MAP2K3: variants seen among roughly 807,000 people sequenced by gnomAD.
The protein encoded by MAP2K3 is mitogen-activated protein kinase kinase 3, also known as dual specificity mitogen-activated protein kinase kinase 3.
Under a neutral mutation model 46.4 loss-of-function variants are expected in MAP2K3, and 30 were observed. The observed-to-expected ratio is 0.65, with a 90% CI of 0.48 to 0.88. The LOEUF is 0.88. Ranked by LOEUF, MAP2K3 falls within the 40% of genes least tolerant of loss-of-function variation. The probability of loss-of-function intolerance (pLI) is 0.00; values close to 1 mark genes in which losing one functional copy is unlikely to be tolerated. For synonymous variants in MAP2K3, 189 were observed against 176.3 expected (o/e 1.07, Z -0.57); for missense variants, 380 against 464.5 (o/e 0.82, Z 1.67).
chr17:21,303,665 T>G (rs1203190871), intron 7 of MAP2K3, among the ~76,000 whole-genome samples: 7 of 152,310 alleles, frequency 4.6e-5, no homozygotes, highest in Admixed American at 6.5e-5. Flanking sequence ...CCACAGTGGG[T>G]TGGTTTCGCC....
At chr17:21,295,558 G>C in intron 1 of MAP2K3, 1 of 1,246,888 alleles carries the variant, frequency 8.0e-7, no homozygotes, top group Admixed American at 2.4e-5. Context: ...GTCTGCAGCA[G>C]CCTGAGGCCT....
intron 1 of MAP2K3, chr17:21,295,734 AC>A: frequency 1.6e-6 from 2 of 1,281,698 alleles, no homozygotes; most frequent in South Asian, 2.5e-5. Flanking sequence ...CGTGGTCCCC[AC>A]CCATCCAGCC....
intron 3 of MAP2K3, among the ~76,000 whole-genome samples, chr17:21,300,107 C>A (rs1166733669): frequency 1.3e-5 from 2 of 152,306 alleles, no homozygotes; most frequent in Non-Finnish European, 2.9e-5. Context: ...GTGTCCCTCC[C>A]AAGAGAGGGA....
At chr17:21,306,003 CAGAT>C (rs1677919793) in intron 9 of MAP2K3, among the ~76,000 whole-genome samples, 1 of 152,280 alleles carries the variant, frequency 6.6e-6, no homozygotes, top group Non-Finnish European at 1.5e-5. Flanking sequence ...ATGAGGCCGT[CAGAT>C]AGAATCAGTA....
intron 7 of MAP2K3, among the ~76,000 whole-genome samples, chr17:21,303,830 G>T (rs1375404005): frequency 6.6e-6 from 1 of 152,310 alleles, no homozygotes; most frequent in Non-Finnish European, 1.5e-5. Flanking sequence ...TGTCCACTGG[G>T]TGCCCATCCC....
At chr17:21,303,599 T>C (rs1976726390) in intron 7 of MAP2K3, among the ~76,000 whole-genome samples, 1 of 152,430 alleles carries the variant, frequency 6.6e-6, no homozygotes, top group South Asian at 2.1e-4. Flanking sequence ...AATGTTCTCT[T>C]GGGCTCCTTC....
chr17:21,306,003 C>T (rs564952819), intron 9 of MAP2K3, among the ~76,000 whole-genome samples: 1 of 152,398 alleles, frequency 6.6e-6, no homozygotes, highest in African/African-American at 2.4e-5. Context: ...ATGAGGCCGT[C>T]AGATAGAATC....
At chr17:21,302,289 T>C in intron 6 of MAP2K3, 30 bp downstream of exon 6, 9 of 1,168,748 alleles carry the variant, frequency 7.7e-6, no homozygotes, top group African/African-American at 1.5e-5. Context: ...TGGCGGGGGG[T>C]CCTAGGTGCA....
rs903946032 is a variant in MAP2K3 at position 21,295,946 on chromosome 17, C to T, written c.50-2467C>T. 8.8e-6 allele frequency: 11 copies of T among 1,248,334 alleles called. No homozygotes were observed. The African/African-American group carries it at 1.7e-4, about 19-fold the overall frequency. The allele number at this position is 1,248,334 out of a possible 1,614,324, so 77.3% of individuals were successfully genotyped here. On this transcript the variant is annotated intron_variant, in intron 1 of 11. Transcript: ENST00000342679. ...GGACTCAAGGGGCTGGGGGCAAGGT[C>T]AAGGCCCAGGGTCTCTGTGCAGAGC...
intron 3 of MAP2K3, 130 bp downstream of exon 3, chr17:21,299,056 T>C: frequency 7.2e-7 from 1 of 1,390,788 alleles, no homozygotes; most frequent in Non-Finnish European, 1.0e-6. Context: ...GAGAAGAGCC[T>C]CGTCCTGCGC....
intron 3 of MAP2K3, among the ~76,000 whole-genome samples, chr17:21,299,708 CACG>C (rs1976482892): frequency 2.2e-5 from 1 of 44,562 alleles, no homozygotes; most frequent in African/African-American, 5.7e-5. Context: ...AAGAGCTGGG[CACG>C]GTGGCTCACG....
At chr17:21,295,793 A>G (rs1206839451) in intron 1 of MAP2K3, 5 of 1,288,892 alleles carry the variant, frequency 3.9e-6, no homozygotes, top group Non-Finnish European at 5.1e-6. Flanking sequence ...GGCTTGGTGA[A>G]GGGGGGGCCA....
In MAP2K3 at chr17:21,312,273, T is replaced by C. The variant is rs1977203917; in HGVS notation, c.906T>C (p.Thr302=). Residue 302 remains threonine (T), a synonymous_variant, in exon 10 of 12, where the codon ACT becomes ACC. Coordinates refer to ENST00000342679, the MANE Select transcript of MAP2K3 (RefSeq NM_145109.3). The stretch of plus-strand genomic sequence containing the variant: ...TCTCCCCCGAGTTTGTGGACTTCAC[T>C]GCTCAGTGGTGAGTCTTGGGTGCTG... ...DRFSPEFVDF[T]AQCLRKNPAE... is the part of the protein sequence containing the mutation. 1 of 1,599,834 alleles carries C rather than the reference T, an allele frequency of 6.3e-7. No homozygotes were observed. Among genetic ancestry groups the C allele is most frequent in the Admixed American group, 1.8e-5 (1 of 56,878 alleles).
chr17:21,291,151 G>A (rs1485213273), intron 1 of MAP2K3, among the ~76,000 whole-genome samples: 1 of 152,312 alleles, frequency 6.6e-6, no homozygotes, highest in South Asian at 2.1e-4. Flanking sequence ...GGCTGAGGCA[G>A]GAGAATGGCA....
chr17:21,301,656 C>T (rs1347158197), intron 5 of MAP2K3, among the ~76,000 whole-genome samples: 1 of 152,310 alleles, frequency 6.6e-6, no homozygotes, highest in Non-Finnish European at 1.5e-5. Context: ...CCGATGGGGC[C>T]CCTGCAGCCT....
intron 1 of MAP2K3, 153 bp from the exon 2 acceptor site, chr17:21,298,259 AG>A (rs2144543865): frequency 4.6e-6 from 5 of 1,094,038 alleles, no homozygotes; most frequent in Non-Finnish European, 7.0e-6. Context: ...CCCCCTTTGA[AG>A]GCCTAACGGC....
At position 21,300,642 on chromosome 17, in the gene MAP2K3, C is replaced by T. The variant is rs1481928966; in HGVS notation, c.263C>T (p.Thr88Ile). The part of the protein sequence containing the change: ...VEKVRHAQSG[T>I]IMAVKRIRAT... Reference sequence around the variant, plus strand: ...AAGGTGCGGCACGCCCAGAGCGGCACCATCATGGCCGTGAAGGTGAGCAGG... The same window carrying T: ...AAGGTGCGGCACGCCCAGAGCGGCATCATCATGGCCGTGAAGGTGAGCAGG... The change falls in exon 4 of 12, where the codon ACC becomes ATC. Residue 88 changes from threonine (T) to isoleucine (I), a missense_variant. Transcript: ENST00000342679. 6.2e-7 allele frequency: 1 copy of T among 1,610,456 alleles called. No homozygotes were observed.
Position 21,315,042 on chromosome 17 carries a change from T to C in MAP2K3, c.*812T>C, listed in dbSNP as rs1977339829. 1 of 152,532 alleles carries C rather than the reference T, an allele frequency of 6.6e-6. No homozygotes were observed. The highest frequency in any genetic ancestry group is 1.5e-5 in the Non-Finnish European group (1 of 68,034). The allele number at this position is 152,532 out of a possible 1,614,324, so 9.4% of individuals were successfully genotyped here. ...GGCCCAAGATCTCTGCTCAGAGAAG[T>C]GCAGGGGGAGCCTTCCAGCTCACTC... On this transcript the variant is annotated 3_prime_UTR_variant, in exon 12 of 12. Transcript: ENST00000342679.
In MAP2K3 at chr17:21,284,738, G is replaced by T. The variant is rs981094228; in HGVS notation, c.-183G>T. The T allele has an allele frequency of 5.4e-6, 3 of 555,964 alleles. No individual in the cohort carries two copies. Among genetic ancestry groups the T allele is most frequent in the East Asian group, 3.6e-5 (1 of 27,744 alleles). The allele number at this position is 555,964 out of a possible 1,614,324, so 34.4% of individuals were successfully genotyped here. On this transcript the variant is annotated 5_prime_UTR_variant, in exon 1 of 12. Transcript: ENST00000342679. ...TCTGTCTCCGGCGCCGCCCGTCGCG[G>T]ACTCGTCCTTGCTGCAGTCGCCGCC...
Sources: gnomAD v4.1 joint callset for allele counts (sites outside exome capture counted in the v4.1 genomes callset) on GRCh38, gnomAD v4.1.1 for gene constraint, MANE v1.5 for transcripts, NCBI Gene and HGNC (gene_info 2026-07-23, HGNC 2026-07-21) for gene names.